Variants in TGIF1 observed in about 807,000 individuals in gnomAD.
TGIF1 encodes the protein homeobox protein TGIF1.
A neutral mutation model predicts 19.3 loss-of-function variants in TGIF1; 4 were observed. The observed-to-expected ratio is 0.21, with a 90% CI of 0.10 to 0.47. TGIF1 has a LOEUF of 0.47. TGIF1 is among the 20% of genes least tolerant of loss of function. TGIF1 has a pLI of 0.98. For synonymous variants in TGIF1, 122 were observed against 129.3 expected, an observed-to-expected ratio of 0.94 and a Z score of 0.38; for missense variants, 275 against 341.4, an observed-to-expected ratio of 0.81 and a Z score of 1.53.
intron 1 of TGIF1, chr18:3,412,834 GACCCTGTCTCT>G (rs2082287882): frequency 6.6e-6 from 1 of 152,264 alleles, no homozygotes. Flanking sequence ...AACACAGGGA[GACCCTGTCTCT>G]ACAAAAAATA....
intron 1 of TGIF1, chr18:3,415,282 A>T: frequency 3.7e-6 from 1 of 268,506 alleles, no homozygotes; most frequent in Non-Finnish European, 7.8e-6. Flanking sequence ...CCAAAACCAG[A>T]GGCAGAAAGC....
intron 1 of TGIF1, among the ~76,000 whole-genome samples, chr18:3,412,702 C>A (rs1478647625): frequency 6.6e-6 from 1 of 152,220 alleles, no homozygotes; most frequent in African/African-American, 2.4e-5. Context: ...TATCGAGTGG[C>A]ATGACTGCAT....
At position 3,458,956 on chromosome 18, in the gene TGIF1, A is replaced by C. The variant is rs892016340; in HGVS notation, c.*1016A>C. ...TGAAATAAACGGTGGGGTTCTGTCT[A>C]TGGTGGGATTGTCAGTTTATTAGGT... is the stretch of plus-strand genomic sequence containing the variant. On this transcript the variant is annotated 3_prime_UTR_variant, in exon 3 of 3. Transcript: ENST00000343820. 1.3e-5 allele frequency: 2 copies of C among 152,214 alleles called. No individual in the cohort carries two copies. Among genetic ancestry groups the C allele is most frequent in the African/African-American group, 4.8e-5 (2 of 41,442 alleles). The allele number at this position is 152,214 out of a possible 1,614,324, so 9.4% of individuals were successfully genotyped here.
rs199938642 is a variant in TGIF1, at chr18:3,452,039, C to T, written c.16+1534C>T. ...TGGGCTCCCCGCATTGTTCGGGCTCCGGCGGGGGCGGCTCTGATTCCTTTC... is the reference window on the plus strand; with the variant it reads ...TGGGCTCCCCGCATTGTTCGGGCTCTGGCGGGGGCGGCTCTGATTCCTTTC... On this transcript the variant is annotated intron_variant, in intron 1 of 2. Coordinates refer to ENST00000343820, the MANE Select transcript of TGIF1 (RefSeq NM_003244.4). 75 of 1,612,484 alleles carry T rather than the reference C, an allele frequency of 4.7e-5. No homozygotes were observed. In the African/African-American group the frequency reaches 4.9e-4, roughly 11 times the overall value.
chr18:3,456,411 T>G lies in TGIF1; in HGVS notation c.74T>G (p.Leu25Trp). 1 of 1,614,236 alleles carries G rather than the reference T, an allele frequency of 6.2e-7. No individual in the cohort carries two copies. The highest frequency in any genetic ancestry group is 8.5e-7 in the Non-Finnish European group (1 of 1,180,036). ...TEDEDSMDIP[L>W]DLSSSAGSGK... The stretch of plus-strand genomic sequence containing the variant: ...GATGAGGACAGCATGGACATTCCCT[T>G]GGACCTTTCTTCATCCGCTGGCTCA... Residue 25 changes from leucine (L) to tryptophan (W), a missense_variant, in exon 2 of 3, where the codon TTG (leucine) becomes TGG (tryptophan). Transcript: ENST00000343820. The surrounding 1 kb of genome is among the most constrained non-coding windows in gnomAD (Gnocchi z 4.2).
chr18:3,431,881 A>G (rs535734410), intron 2 of TGIF1, among the ~76,000 whole-genome samples: 1 of 152,300 alleles, frequency 6.6e-6, no homozygotes, highest in African/African-American at 2.4e-5. Context: ...CTGTAATCCC[A>G]GCTCTTTGGG....
Position 3,429,231 on chromosome 18 carries a change from A to AT in TGIF1, c.-45+11026dup, listed in dbSNP as rs963597715. ...GCCACCAGGCCCAGCTAATTTTGTA[A>AT]TTTTTTTTTTGTAGAGACTGGAGTC... On this transcript the variant is annotated intron_variant, in intron 2 of 3. Transcript: ENST00000401449. Among the ~76,000 whole-genome samples the AT allele has an allele frequency of 1.8e-3, 276 of 149,748 alleles. 3 individuals are homozygous for AT. Among genetic ancestry groups the AT allele is most frequent in the African/African-American group, 6.3e-3 (256 of 40,926 alleles).
At position 3,429,063 on chromosome 18, in the gene TGIF1, A is replaced by T. The variant is rs1314377006; in HGVS notation, c.-45+10848A>T. 2.0e-5 allele frequency among the ~76,000 whole-genome samples: 3 copies of T among 152,074 alleles called. No homozygotes were observed. In the East Asian group the frequency reaches 5.8e-4, roughly 29 times the overall value. The stretch of plus-strand genomic sequence containing the variant: ...GCCAGACTCCGTCTCCAAAAAAAAA[A>T]AATTATTTTATAGAGACGGGCCTTG... On this transcript the variant is annotated intron_variant, in intron 2 of 3. Transcript: ENST00000401449.
At chr18:3,445,950 A>G (rs922949400), upstream of TGIF1, among the ~76,000 whole-genome samples, 1 of 151,838 alleles carries the variant, frequency 6.6e-6, no homozygotes, top group Non-Finnish European at 1.5e-5. Context: ...TTTCCCAGAG[A>G]CCACTTGATT....
chr18:3,459,108 A>G lies in TGIF1; in HGVS notation c.*1168A>G, dbSNP rs528547920. On this transcript the variant is annotated 3_prime_UTR_variant, in exon 3 of 3. Transcript: ENST00000343820. ...AATTGGTGTTGCTCCTTTCACTTGT[A>G]TGGTTGAGCAGATTTGTCACATGCC... The G allele has an allele frequency of 1.3e-5, 2 of 152,264 alleles. No individual in the cohort carries two copies. Among genetic ancestry groups the G allele is most frequent in the East Asian group, 1.9e-4 (1 of 5,186 alleles). 9.4% of individuals were successfully genotyped at this position (152,264 alleles called of 1,614,324 possible). A position where few individuals can be genotyped will look rare whatever the true frequency, so the allele number is the denominator to read the frequency against.
chr18:3,454,104 A>G (rs976242189), intron 1 of TGIF1, among the ~76,000 whole-genome samples: 1 of 152,184 alleles, frequency 6.6e-6, no homozygotes, highest in African/African-American at 2.4e-5. Flanking sequence ...TTGTGCACAT[A>G]TTGGAAATAT....
Position 3,425,781 on chromosome 18 carries a change from G to C in TGIF1, c.-45+7566G>C, listed in dbSNP as rs1056479924. On this transcript the variant is annotated intron_variant, in intron 2 of 3. Transcript: ENST00000401449. The stretch of plus-strand genomic sequence containing the variant: ...TTGGGTGATGACTGTCTCCTGCGTG[G>C]TGCCAGCATCGTGTCAACTGAACTC... 1.3e-5 allele frequency among the ~76,000 whole-genome samples: 2 copies of C among 152,192 alleles called. 1 individual carries two copies. The highest frequency in any genetic ancestry group is 4.1e-4 in the South Asian group (2 of 4,836).
Position 3,419,879 on chromosome 18 carries a change from G to A in TGIF1, c.-45+1664G>A, listed in dbSNP as rs146686441. On this transcript the variant is annotated intron_variant, in intron 2 of 3. Coordinates refer to the TGIF1 transcript ENST00000401449. ...AAATTAGCTGGGCATGGTGGTGCCT[G>A]CCTGTAATCCCAGCTACTCAGGAGG... Among the ~76,000 whole-genome samples, 541 of 152,260 alleles carry A rather than the reference G, an allele frequency of 3.6e-3. 7 individuals are homozygous for A. The highest frequency in any genetic ancestry group is 0.012 in the African/African-American group (517 of 41,552).
chr18:3,450,041 C>T (rs964459615), upstream of TGIF1: 7 of 993,676 alleles, frequency 7.0e-6, no homozygotes, highest in South Asian at 3.2e-4. Flanking sequence ...CAGCGGCCGC[C>T]GCGCTCGGTC....
intron 2 of TGIF1, among the ~76,000 whole-genome samples, chr18:3,427,368 T>C (rs2082486198): frequency 6.6e-6 from 1 of 152,012 alleles, no homozygotes; most frequent in East Asian, 1.9e-4. Flanking sequence ...TTCGGGACAC[T>C]GCAACCTCCA....
chr18:3,413,534 G>C (rs934926533), intron 1 of TGIF1, among the ~76,000 whole-genome samples: 6 of 152,050 alleles, frequency 3.9e-5, no homozygotes, highest in Non-Finnish European at 7.4e-5. Context: ...TCTCTTCATA[G>C]AGTCTAGTAT....
intron 2 of TGIF1, among the ~76,000 whole-genome samples, chr18:3,430,542 A>T (rs1483560718): frequency 6.6e-6 from 1 of 152,032 alleles, no homozygotes; most frequent in East Asian, 1.9e-4. Flanking sequence ...TTGCTCTGTC[A>T]CCCAGGCTGG....
At chr18:3,449,345 G>T, upstream of TGIF1, 1 of 982,580 alleles carries the variant, frequency 1.0e-6, no homozygotes, top group Non-Finnish European at 1.2e-6. Context: ...TCGGCGACTC[G>T]GGGTGTCAGG....
Position 3,431,477 on chromosome 18 carries a change from CATAAATAA to C in TGIF1, c.-45+13275_-45+13282del, listed in dbSNP as rs529141474. On this transcript the variant is annotated intron_variant, in intron 2 of 3. Coordinates refer to the TGIF1 transcript ENST00000401449. ...TAAAACTAAAATAAAATAATTAAAT[CATAAATAA>C]ATAAATAAATAATAGTAATGGATTT... Among the ~76,000 whole-genome samples the C allele has an allele frequency of 6.0e-3, 915 of 151,842 alleles. 8 individuals are homozygous for C. Among genetic ancestry groups the C allele is most frequent in the Admixed American group, 0.026 (394 of 15,242 alleles).
Sources: allele counts gnomAD v4.1 joint callset (sites outside exome capture counted in the v4.1 genomes callset), GRCh38; gene constraint gnomAD v4.1.1; non-coding constraint Gnocchi (gnomAD v3.1); transcripts MANE v1.5; gene names NCBI Gene and HGNC (gene_info 2026-07-23, HGNC 2026-07-21).